FHAD1: variants seen among roughly 807,000 people sequenced by gnomAD.
FHAD1 encodes forkhead-associated domain-containing protein 1.
FHAD1 carries 146 observed loss-of-function variants against 191.3 expected under a neutral mutation model. The observed-to-expected ratio is 0.76, with a 90% CI of 0.67 to 0.88. The LOEUF (loss-of-function observed/expected upper bound fraction) is 0.88, where lower values mean the gene tolerates loss of function less well. Ranked by LOEUF, FHAD1 falls within the 40% of genes least tolerant of loss-of-function variation. The pLI is 0.00. For missense variants in FHAD1, 1,635 were observed against 1,785.8 expected (o/e 0.92, Z 1.52); for synonymous variants, 616 against 672.3 (o/e 0.92, Z 1.29).
intron 2 of FHAD1, among the ~76,000 whole-genome samples, chr1:15,256,511 G>T (rs973032447): frequency 6.6e-6 from 1 of 151,882 alleles, no homozygotes; most frequent in Non-Finnish European, 1.5e-5. Context: ...AAATTAGCCG[G>T]GTGTGGTGGT....
At chr1:15,378,241 C>T (rs952256145) in intron 28 of FHAD1, among the ~76,000 whole-genome samples, 1 of 152,026 alleles carries the variant, frequency 6.6e-6, no homozygotes, top group African/African-American at 2.4e-5. Context: ...ACCAACATCG[C>T]ACCACTGCAC....
At chr1:15,272,636 C>T (rs1050040582) in intron 3 of FHAD1, 107 bp downstream of exon 3, 22 of 986,404 alleles carry the variant, frequency 2.2e-5, no homozygotes, top group Non-Finnish European at 3.2e-5. Flanking sequence ...CCACTGTGAT[C>T]GCACGCTGCA....
chr1:15,341,123 G>A (rs141822657), intron 15 of FHAD1, among the ~76,000 whole-genome samples: 47 of 152,198 alleles, frequency 3.1e-4, no homozygotes, highest in African/African-American at 8.2e-4. Context: ...CAGAGGTTGC[G>A]GGGAACCAAG....
intron 4 of FHAD1, among the ~76,000 whole-genome samples, chr1:15,293,315 C>T (rs967855596): frequency 3.9e-5 from 6 of 152,218 alleles, no homozygotes; most frequent in Non-Finnish European, 7.3e-5. Flanking sequence ...ATTAGAGACT[C>T]CTGTTCTAGA....
chr1:15,374,477 GCTGCCCGCCCCATT>G lies in FHAD1; in HGVS notation c.3448-18_3448-5del, dbSNP rs1198728714. 1 of 1,550,886 alleles carries G rather than the reference GCTGCCCGCCCCATT, an allele frequency of 6.4e-7. No homozygotes were observed. The highest frequency in any genetic ancestry group is 2.0e-5 in the Admixed American group (1 of 50,886). ...GAAATCTTCTAATCCCTGATCAAAT[GCTGCCCGCCCCATT>G]CTGCCCACAGCAGCAATCCTTCAGC... On this transcript the variant is annotated splice_polypyrimidine_tract_variant and intron_variant, in intron 26 of 33. Coordinates refer to ENST00000688493, the MANE Select transcript of FHAD1 (RefSeq NM_001391957.1).
At chr1:15,385,129 CTT>C (rs57163623) in intron 31 of FHAD1, among the ~76,000 whole-genome samples, 18,183 of 143,022 alleles carry the variant, frequency 0.13, 2,515 homozygotes, top group African/African-American at 0.34. Flanking sequence ...GGGGGAAAAT[CTT>C]TTTTTTTTTT....
chr1:15,327,657 G>T lies in FHAD1; in HGVS notation c.1557+515G>T, dbSNP rs1228835257. 6.5e-6 allele frequency: 1 copy of T among 153,820 alleles called. No individual in the cohort carries two copies. Among genetic ancestry groups the T allele is most frequent in the Admixed American group, 6.5e-5 (1 of 15,398 alleles). The allele number at this position is 153,820 out of a possible 1,614,324, so 9.5% of individuals were successfully genotyped here. ...GCTGCTTATGAGCCCATAATATCAG[G>T]CTCAGTGTTCTGAATCCCTATACAA... On this transcript the variant is annotated intron_variant, in intron 12 of 33. Transcript: ENST00000688493. This position sits in a 1 kb window ranked among gnomAD's most constrained non-coding sequence, Gnocchi z 5.1.
rs183668373 is a variant in FHAD1 at position 15,387,768 on chromosome 1, G to A, written c.4189-283G>A. 5.0e-4 allele frequency among the ~76,000 whole-genome samples: 76 copies of A among 152,216 alleles called. 3 individuals are homozygous for A. The highest frequency in any genetic ancestry group is 3.9e-4 in the East Asian group (2 of 5,182). Reference sequence around the variant, plus strand: ...GGTGTGGTGGCACACGCCCGTAGTCGCAGCTACTTGGGAGGCTGAGGTGGG... The same window carrying A: ...GGTGTGGTGGCACACGCCCGTAGTCACAGCTACTTGGGAGGCTGAGGTGGG... On this transcript the variant is annotated intron_variant, in intron 31 of 33. Coordinates refer to ENST00000688493, the MANE Select transcript of FHAD1 (RefSeq NM_001391957.1).
chr1:15,368,131 C>G (rs1558248853), intron 25 of FHAD1, among the ~76,000 whole-genome samples: 1 of 152,140 alleles, frequency 6.6e-6, no homozygotes, highest in Non-Finnish European at 1.5e-5. Flanking sequence ...GCCACCAGGC[C>G]TGGCTAATTT....
At chr1:15,353,637 G>A (rs756456988) in intron 20 of FHAD1, among the ~76,000 whole-genome samples, 15 of 150,004 alleles carry the variant, frequency 1.0e-4, no homozygotes, top group South Asian at 2.1e-4. Flanking sequence ...CCTGGGAGGC[G>A]GAGGTTGCAG....
At chr1:15,273,424 T>C (rs1433599948) in intron 3 of FHAD1, among the ~76,000 whole-genome samples, 1 of 152,206 alleles carries the variant, frequency 6.6e-6, no homozygotes, top group East Asian at 1.9e-4. Context: ...GATATACCTG[T>C]GAAGCCATTG....
chr1:15,310,328 G>A (rs1403473926), intron 7 of FHAD1, among the ~76,000 whole-genome samples: 1 of 152,152 alleles, frequency 6.6e-6, no homozygotes, highest in African/African-American at 2.4e-5. Context: ...CCCACTCCAG[G>A]CTTCTACCTC....
upstream of FHAD1, among the ~76,000 whole-genome samples, chr1:15,246,555 G>A (rs80250518): frequency 1.4e-5 from 2 of 147,694 alleles, no homozygotes; most frequent in African/African-American, 2.5e-5. Context: ...GCTGACAAGC[G>A]GTTTCTTAAG....
chr1:15,252,320 C>T (rs1780610), intron 2 of FHAD1, among the ~76,000 whole-genome samples: 44,314 of 152,074 alleles, frequency 0.29, 7,508 homozygotes, highest in Non-Finnish European at 0.39. Context: ...CAGCTCAGGG[C>T]AGTTTTGCAG....
chr1:15,388,312 G>GCCCTT (rs1428921659), intron 32 of FHAD1, 181 bp downstream of exon 32: 10 of 124,936 alleles, frequency 8.0e-5, no homozygotes, highest in Non-Finnish European at 1.6e-4. Flanking sequence ...TCCCTCCCCA[G>GCCCTT]GCCCTGCCCC....
At chr1:15,341,329 T>A (rs1686595024) in intron 15 of FHAD1, among the ~76,000 whole-genome samples, 1 of 152,236 alleles carries the variant, frequency 6.6e-6, no homozygotes, top group African/African-American at 2.4e-5. Flanking sequence ...GTCACACAGC[T>A]AATGGGTGAA....
Position 15,381,722 on chromosome 1 carries a change from T to C in FHAD1, c.4022+271T>C, listed in dbSNP as rs115738928. Among the ~76,000 whole-genome samples, 552 of 146,926 alleles carry C rather than the reference T, an allele frequency of 3.8e-3. 3 individuals are homozygous for C. The highest frequency in any genetic ancestry group is 0.013 in the African/African-American group (513 of 39,890). ...TGCACCTCTTGCGACCCTTGACTTATGGTTTCCCAGTTGTGTAGCATTGAC... is the reference window on the plus strand; with the variant it reads ...TGCACCTCTTGCGACCCTTGACTTACGGTTTCCCAGTTGTGTAGCATTGAC... On this transcript the variant is annotated intron_variant, in intron 30 of 33. Transcript: ENST00000688493. The surrounding 1 kb of genome is among the most constrained non-coding windows in gnomAD (Gnocchi z 4.6).
downstream of FHAD1, among the ~76,000 whole-genome samples, chr1:15,401,793 T>C (rs2473344): frequency 0.75 from 113,598 of 152,122 alleles, 43,054 homozygotes; most frequent in African/African-American, 0.86. Context: ...TAAAGCAGGA[T>C]GGAGGGCACC....
intron 10 of FHAD1, among the ~76,000 whole-genome samples, chr1:15,321,102 A>T (rs1471438157): frequency 1.3e-5 from 2 of 152,044 alleles, no homozygotes; most frequent in Non-Finnish European, 2.9e-5. Context: ...GCCCAGCTAA[A>T]CTTGTATTTT....
Sources: allele counts gnomAD v4.1 joint callset (sites outside exome capture counted in the v4.1 genomes callset), GRCh38; gene constraint gnomAD v4.1.1; non-coding constraint Gnocchi (gnomAD v3.1); transcripts MANE v1.5; gene names NCBI Gene and HGNC (gene_info 2026-07-23, HGNC 2026-07-21).